The following TMEM232 variants were observed in gnomAD, a reference collection of about 807,000 sequenced individuals.
TMEM232 encodes transmembrane protein 232.
A neutral mutation model predicts 78.8 loss-of-function variants in TMEM232; 80 were observed. The observed-to-expected ratio is 1.01, with a 90% CI of 0.85 to 1.22. The LOEUF is 1.22. Ranked by LOEUF, TMEM232 falls within the 50% of genes most tolerant of loss-of-function variation. The probability of loss-of-function intolerance (pLI) is 0.00; values close to 1 mark genes in which losing one functional copy is unlikely to be tolerated. For missense variants in TMEM232, 881 were observed against 742.2 expected, an observed-to-expected ratio of 1.19 and a Z score of -2.17; for synonymous variants, 297 against 254.3, an observed-to-expected ratio of 1.17 and a Z score of -1.60.
At chr5:110,422,998 A>AG (rs1164530748) in intron 13 of TMEM232, among the ~76,000 whole-genome samples, 5 of 152,234 alleles carry the variant, frequency 3.3e-5, no homozygotes, top group African/African-American at 1.2e-4. Flanking sequence ...ATGGAATACT[A>AG]GCAATGTATA....
Position 110,420,726 on chromosome 5 carries a change from C to G in TMEM232, c.1828G>C (p.Glu610Gln), listed in dbSNP as rs1561470686. ...TCTTGGGCCTTGCATATTGCATCTT[C>G]TTTTTCTCGGATCTTTAGCTCTTCC... The part of the protein sequence containing the change: ...WQEELKIREK[E>Q]DAICKAQELK... Residue 610 changes from glutamate (E) to glutamine (Q), a missense_variant, in exon 14 of 14, where the codon GAA becomes CAA. By Grantham distance (29) the Glu-to-Gln change is conservative (BLOSUM62 2). Coordinates refer to ENST00000455884, the MANE Select transcript of TMEM232 (RefSeq NM_001039763.4). 6.6e-7 allele frequency: 1 copy of G among 1,523,712 alleles called. No homozygotes were observed. The highest frequency in any genetic ancestry group is 1.2e-5 in the South Asian group (1 of 80,642). 94.4% of individuals were successfully genotyped at this position (1,523,712 alleles called of 1,614,324 possible).
chr5:110,636,630 G>A (rs1785876554), intron 5 of TMEM232, among the ~76,000 whole-genome samples: 1 of 151,946 alleles, frequency 6.6e-6, no homozygotes, highest in Non-Finnish European at 1.5e-5. Context: ...AGAGTTCACT[G>A]GACTCTGTAG....
At chr5:110,642,221 G>C (rs1317495244) in intron 3 of TMEM232, 39 bp downstream of exon 3, 2 of 1,280,544 alleles carry the variant, frequency 1.6e-6, no homozygotes, top group Non-Finnish European at 2.1e-6. Context: ...AACTAGAAAG[G>C]AAGTTAACAT....
chr5:110,575,035 C>T (rs1777413369), intron 10 of TMEM232, among the ~76,000 whole-genome samples: 1 of 151,852 alleles, frequency 6.6e-6, no homozygotes, highest in South Asian at 2.1e-4. Flanking sequence ...TCTTGAACTT[C>T]AGAGGAGACA....
chr5:110,438,333 G>C (rs1326822293), intron 12 of TMEM232, among the ~76,000 whole-genome samples: 1 of 151,392 alleles, frequency 6.6e-6, no homozygotes, highest in East Asian at 2.0e-4. Flanking sequence ...AAATATAGAG[G>C]GGCAAAACCT....
At chr5:110,612,471 G>A (rs1580359626) in intron 8 of TMEM232, among the ~76,000 whole-genome samples, 1 of 152,220 alleles carries the variant, frequency 6.6e-6, no homozygotes, top group Admixed American at 6.5e-5. Context: ...GAGTACTGAT[G>A]CAAACTTTTG....
chr5:110,527,292 T>A (rs1770738593), intron 12 of TMEM232, among the ~76,000 whole-genome samples: 2 of 151,998 alleles, frequency 1.3e-5, no homozygotes, highest in Admixed American at 1.3e-4. Flanking sequence ...ACTGTGGCAA[T>A]AGTTATAAAG....
chr5:110,417,709 T>C (rs1467843440), downstream of TMEM232: 9 of 151,364 alleles, frequency 5.9e-5, no homozygotes, highest in African/African-American at 2.2e-4. Flanking sequence ...AGTTAACTTT[T>C]ATTGAATGGT....
chr5:110,610,595 A>G (rs1468505662), intron 8 of TMEM232: 1 of 455,320 alleles, frequency 2.2e-6, no homozygotes, highest in Non-Finnish European at 4.4e-6. Context: ...TTGCCTCAAT[A>G]GGCTCCTAAC....
chr5:110,511,676 A>G (rs1259433166), intron 12 of TMEM232, among the ~76,000 whole-genome samples: 2 of 152,172 alleles, frequency 1.3e-5, no homozygotes, highest in Non-Finnish European at 2.9e-5. Context: ...ATCACTTTCC[A>G]TATGAAGACA....
intron 13 of TMEM232, among the ~76,000 whole-genome samples, chr5:110,423,942 T>A (rs146675214): frequency 8.5e-4 from 129 of 152,256 alleles, no homozygotes; most frequent in African/African-American, 3.0e-3. Flanking sequence ...GAAGATGACC[T>A]GTACATATAT....
intron 12 of TMEM232, among the ~76,000 whole-genome samples, chr5:110,495,360 G>T (rs1291150707): frequency 1.3e-5 from 2 of 151,900 alleles, no homozygotes; most frequent in Non-Finnish European, 2.9e-5. Context: ...TAATTGGACT[G>T]GGGAAGGATC....
chr5:110,474,859 G>C (rs1763073863), intron 12 of TMEM232, among the ~76,000 whole-genome samples: 1 of 151,868 alleles, frequency 6.6e-6, no homozygotes, highest in African/African-American at 2.4e-5. Context: ...ACTGAATATT[G>C]TCAGAAATAA....
At chr5:110,695,055 A>T (rs1035704249) in intron 1 of TMEM232, among the ~76,000 whole-genome samples, 3 of 152,232 alleles carry the variant, frequency 2.0e-5, no homozygotes, top group Admixed American at 2.0e-4. Flanking sequence ...GTTGGAAGTA[A>T]AGCACTCCTC....
chr5:110,457,802 C>A (rs1384939635), intron 12 of TMEM232, among the ~76,000 whole-genome samples: 1 of 151,886 alleles, frequency 6.6e-6, no homozygotes, highest in African/African-American at 2.4e-5. Flanking sequence ...ATAAGATTTT[C>A]TGATGGAAAT....
At chr5:110,637,756 C>G (rs1401939638) in intron 5 of TMEM232, among the ~76,000 whole-genome samples, 6 of 151,826 alleles carry the variant, frequency 4.0e-5, no homozygotes, top group Non-Finnish European at 8.8e-5. Context: ...ATATGAGTTA[C>G]CTGAAAAGAG....
At chr5:110,401,517 T>C (rs1755595953) in intron 2 of TMEM232, among the ~76,000 whole-genome samples, 1 of 152,098 alleles carries the variant, frequency 6.6e-6, no homozygotes, top group Admixed American at 6.6e-5. Flanking sequence ...TGCTGGGTCC[T>C]GCAGGATCCC....
intron 4 of TMEM232, among the ~76,000 whole-genome samples, chr5:110,388,506 T>G (rs951955476): frequency 6.6e-6 from 1 of 152,206 alleles, no homozygotes; most frequent in African/African-American, 2.4e-5. Context: ...TGCTTTTTAT[T>G]AAAAGGAAAA....
chr5:110,571,663 T>G (rs1776951872), intron 10 of TMEM232, among the ~76,000 whole-genome samples: 1 of 151,314 alleles, frequency 6.6e-6, no homozygotes, highest in Non-Finnish European at 1.5e-5. Context: ...ATCTCTATAG[T>G]TGTTTTTTTT....
Sources: gnomAD v4.1 joint callset for allele counts (sites outside exome capture counted in the v4.1 genomes callset) on GRCh38, gnomAD v4.1.1 for gene constraint, MANE v1.5 for transcripts, NCBI Gene and HGNC (gene_info 2026-07-23, HGNC 2026-07-21) for gene names.